VPS13B: variants seen among roughly 807,000 people sequenced by gnomAD.
The protein encoded by VPS13B is intermembrane lipid transfer protein VPS13B.
Under a neutral mutation model 426.4 loss-of-function variants are expected in VPS13B, and 285 were observed. The observed-to-expected ratio is 0.67, with a 90% CI of 0.61 to 0.74. The LOEUF is 0.74. Among genes scored for constraint, VPS13B ranks in the 30% least tolerant of loss-of-function variants. The probability of loss-of-function intolerance (pLI) is 0.00; values close to 1 mark genes in which losing one functional copy is unlikely to be tolerated. For synonymous variants in VPS13B, 1,676 were observed against 1,676.4 expected, an observed-to-expected ratio of 1.00 and a Z score of 0.01; for missense variants, 4,537 against 4,782.6, an observed-to-expected ratio of 0.95 and a Z score of 1.51.
chr8:99,327,303 G>T (rs1378995819), intron 19 of VPS13B, among the ~76,000 whole-genome samples: 1 of 152,112 alleles, frequency 6.6e-6, no homozygotes, highest in Non-Finnish European at 1.5e-5. Context: ...TATTATTAAA[G>T]AACAGTGATT....
Position 99,556,550 on chromosome 8 carries a change from T to C in VPS13B, c.4846T>C (p.Trp1616Arg). The C allele has an allele frequency of 6.2e-7, 1 of 1,613,312 alleles. No individual in the cohort carries two copies. The highest frequency in any genetic ancestry group is 8.5e-7 in the Non-Finnish European group (1 of 1,179,560). Residue 1616 changes from tryptophan to arginine, a missense_variant, in exon 31 of 62, where the codon TGG (tryptophan) becomes CGG (arginine). Around this residue, in one of 2 missense-constraint regions of VPS13B, gnomAD observed 4,311 missense variants for 4,474.3 expected, o/e 0.96. Transcript: ENST00000357162. ...LQSINIGTAQWHQLKPEKESV... is the reference protein window; with the variant it reads ...LQSINIGTAQRHQLKPEKESV... Reference sequence around the variant, plus strand: ...GTCCATCAATATTGGTACTGCACAGTGGCATCAACTAAAACCAGAGAAGGA... The same window carrying C: ...GTCCATCAATATTGGTACTGCACAGCGGCATCAACTAAAACCAGAGAAGGA...
intron 12 of VPS13B, among the ~76,000 whole-genome samples, chr8:99,138,662 G>T (rs1016197349): frequency 6.6e-6 from 1 of 152,234 alleles, no homozygotes; most frequent in Non-Finnish European, 1.5e-5. Context: ...TGAGTTTTGA[G>T]ATAACTGTGG....
At chr8:99,624,704 G>A (rs1460514276) in intron 33 of VPS13B, among the ~76,000 whole-genome samples, 1 of 151,802 alleles carries the variant, frequency 6.6e-6, no homozygotes, top group Non-Finnish European at 1.5e-5. Flanking sequence ...TGAAAACCTT[G>A]AACATACCAG....
chr8:99,839,979 A>G (rs1815599102), intron 54 of VPS13B, among the ~76,000 whole-genome samples: 1 of 152,204 alleles, frequency 6.6e-6, no homozygotes, highest in Non-Finnish European at 1.5e-5. Context: ...CAGCTCCAAC[A>G]TCTTTCCTAA....
chr8:99,746,831 A>G (rs1189104164), intron 39 of VPS13B, among the ~76,000 whole-genome samples: 1 of 152,138 alleles, frequency 6.6e-6, no homozygotes, highest in Non-Finnish European at 1.5e-5. Context: ...AGCAATGCTA[A>G]TGTTATACAT....
At chr8:99,684,252 A>G (rs1287170313) in intron 35 of VPS13B, among the ~76,000 whole-genome samples, 1 of 152,190 alleles carries the variant, frequency 6.6e-6, no homozygotes, top group Non-Finnish European at 1.5e-5. Flanking sequence ...AGGAATATCC[A>G]TGTATATTGT....
At chr8:99,489,476 T>C (rs80064562) in intron 25 of VPS13B, among the ~76,000 whole-genome samples, 40,521 of 151,854 alleles carry the variant, frequency 0.27, 6,170 homozygotes, top group East Asian at 0.45. Context: ...GGCATTGAAC[T>C]TACAAATTAC....
chr8:99,568,442 C>T (rs952594137), intron 31 of VPS13B, among the ~76,000 whole-genome samples: 4 of 151,958 alleles, frequency 2.6e-5, no homozygotes, highest in South Asian at 2.1e-4. Flanking sequence ...AGGCCCACGC[C>T]ACCACGCCTG....
chr8:99,639,312 G>T (rs1829205374), intron 33 of VPS13B, among the ~76,000 whole-genome samples: 1 of 152,068 alleles, frequency 6.6e-6, no homozygotes, highest in South Asian at 2.1e-4. Flanking sequence ...CACCAAGAAG[G>T]AAAAGAGTGA....
At chr8:99,015,270 G>GC (rs1486627040) in intron 2 of VPS13B, among the ~76,000 whole-genome samples, 1 of 142,642 alleles carries the variant, frequency 7.0e-6, no homozygotes, top group African/African-American at 2.6e-5. Flanking sequence ...AGGCTGGAGT[G>GC]CAGTGGCACG....
chr8:99,349,730 G>A (rs572653314), intron 19 of VPS13B, among the ~76,000 whole-genome samples: 1 of 152,248 alleles, frequency 6.6e-6, no homozygotes, highest in Non-Finnish European at 1.5e-5. Flanking sequence ...AAGTCTTCGA[G>A]AATATGCAGC....
In VPS13B at chr8:99,854,071, G is replaced by C; in HGVS notation, c.10682G>C (p.Arg3561Pro). ...ARALVNPVKL[R>P]KLVIQPVNLL... ...GCCTTGGTGAATCCTGTGAAGTTAC[G>C]GAAACTGGTGATCCAGCCAGTAAAT... is the stretch of plus-strand genomic sequence containing the variant. Residue 3561 changes from arginine (R) to proline (P), a missense_variant, in exon 56 of 62, where the codon CGG becomes CCG. Transcript: ENST00000357162. 1 of 1,613,462 alleles carries C rather than the reference G, an allele frequency of 6.2e-7. No homozygotes were observed. Among genetic ancestry groups the C allele is most frequent in the Non-Finnish European group, 8.5e-7 (1 of 1,179,512 alleles).
chr8:99,067,115 C>T (rs1844565023), intron 3 of VPS13B, among the ~76,000 whole-genome samples: 1 of 152,122 alleles, frequency 6.6e-6, no homozygotes, highest in Non-Finnish European at 1.5e-5. Flanking sequence ...ACTGGAAATA[C>T]CATTTGACCC....
chr8:99,443,706 A>C (rs1817783847), intron 23 of VPS13B, among the ~76,000 whole-genome samples: 1 of 151,990 alleles, frequency 6.6e-6, no homozygotes, highest in Non-Finnish European at 1.5e-5. Context: ...AATTTTTTTG[A>C]TTCATTCATC....
chr8:99,560,954 G>T (rs1387388457), intron 31 of VPS13B, among the ~76,000 whole-genome samples: 2 of 152,104 alleles, frequency 1.3e-5, no homozygotes, highest in Non-Finnish European at 2.9e-5. Flanking sequence ...AGCCTTAGTT[G>T]TATCTCTCCT....
chr8:99,822,376 T>C (rs1448015469), intron 50 of VPS13B, among the ~76,000 whole-genome samples: 1 of 152,200 alleles, frequency 6.6e-6, no homozygotes, highest in Non-Finnish European at 1.5e-5. Flanking sequence ...CATTCAAGGC[T>C]GGTATCCATT....
chr8:99,148,099 C>T (rs773629522), intron 14 of VPS13B, 89 bp downstream of exon 14: 29 of 1,387,064 alleles, frequency 2.1e-5, no homozygotes, highest in Admixed American at 1.2e-4. Flanking sequence ...TATCTGCAGC[C>T]GGGCACAGTG....
At chr8:99,444,669 C>A (rs373615909) in intron 23 of VPS13B, among the ~76,000 whole-genome samples, 10 of 151,752 alleles carry the variant, frequency 6.6e-5, no homozygotes, top group African/African-American at 2.4e-4. Context: ...TATTTTATTT[C>A]TTTTTATTTA....
intron 39 of VPS13B, among the ~76,000 whole-genome samples, chr8:99,745,349 T>G (rs1810027900): frequency 6.6e-6 from 1 of 152,154 alleles, no homozygotes; most frequent in South Asian, 2.1e-4. Context: ...AAAATTTTTC[T>G]ATTATGAAAA....
Sources: gnomAD v4.1 joint callset for allele counts (sites outside exome capture counted in the v4.1 genomes callset) on GRCh38, gnomAD v4.1.1 for gene constraint, gnomAD v4.1.1 regional missense constraint, MANE v1.5 for transcripts, NCBI Gene and HGNC (gene_info 2026-07-23, HGNC 2026-07-21) for gene names.